CDH20: variants seen among roughly 807,000 people sequenced by gnomAD.
CDH20 encodes the protein cadherin 20.
A neutral mutation model predicts 74.2 loss-of-function variants in CDH20; 29 were observed. That is an observed-to-expected ratio of 0.39 (90% CI 0.29 to 0.53). The LOEUF is 0.53. CDH20 is among the 20% of genes least tolerant of loss of function. CDH20 has a pLI of 0.69. For synonymous variants in CDH20, 469 were observed against 405.4 expected (o/e 1.16, Z -1.88); for missense variants, 988 against 1,048.3 (o/e 0.94, Z 0.79).
chr18:61,555,158 C>T lies in CDH20; in HGVS notation c.*463C>T. 1.0e-6 allele frequency: 1 copy of T among 992,128 alleles called. No individual in the cohort carries two copies. The highest frequency in any genetic ancestry group is 1.2e-6 in the Non-Finnish European group (1 of 834,416). 61.5% of individuals were successfully genotyped at this position (992,128 alleles called of 1,614,324 possible). A position where few individuals can be genotyped will look rare whatever the true frequency, so the allele number is the denominator to read the frequency against. On this transcript the variant is annotated 3_prime_UTR_variant, in exon 12 of 12. Coordinates refer to ENST00000262717, the MANE Select transcript of CDH20 (RefSeq NM_031891.4). The stretch of plus-strand genomic sequence containing the variant: ...GCTGGCTCAAACCACAGAAACCAAC[C>T]CACAAGAAAGAACAAAAAACTTGTT...
At chr18:61,391,353 C>T (rs1050725624) in intron 1 of CDH20, among the ~76,000 whole-genome samples, 82 of 152,160 alleles carry the variant, frequency 5.4e-4, no homozygotes, top group East Asian at 1.9e-4. Context: ...AAGTCTTATG[C>T]ACTATTAGTG....
intron 1 of CDH20, among the ~76,000 whole-genome samples, chr18:61,338,121 G>A (rs2144083218): frequency 6.6e-6 from 1 of 152,188 alleles, no homozygotes; most frequent in East Asian, 1.9e-4. Context: ...AATCAAAAGG[G>A]ATTGCAAAAG....
In CDH20 at chr18:61,451,746, G is replaced by GA. The variant is rs34974190; in HGVS notation, c.-152-38645dup. Among the ~76,000 whole-genome samples the GA allele has an allele frequency of 1.7e-3, 244 of 147,858 alleles. 4 individuals are homozygous for GA. Among genetic ancestry groups the GA allele is most frequent in the East Asian group, 6.0e-4 (3 of 5,026 alleles). Reference sequence around the variant, plus strand: ...GCTGAATGTTGACTACAGAGTCAAAGAAAAAAAAAAATCAAGAGAAGCATT... The same window carrying GA: ...GCTGAATGTTGACTACAGAGTCAAAGAAAAAAAAAAAATCAAGAGAAGCATT... On this transcript the variant is annotated intron_variant, in intron 1 of 11. Transcript: ENST00000262717.
chr18:61,439,105 G>T (rs922857519), intron 1 of CDH20, among the ~76,000 whole-genome samples: 5 of 152,040 alleles, frequency 3.3e-5, no homozygotes, highest in Admixed American at 6.6e-5. Flanking sequence ...CTAAATGGGG[G>T]AATCAAGGGA....
At chr18:61,412,431 TA>T (rs1260963189) in intron 1 of CDH20, among the ~76,000 whole-genome samples, 1 of 152,134 alleles carries the variant, frequency 6.6e-6, no homozygotes, top group East Asian at 1.9e-4. Flanking sequence ...TCATCAAAAT[TA>T]AAGGGCCACA....
intron 1 of CDH20, among the ~76,000 whole-genome samples, chr18:61,370,884 C>A (rs1911014819): frequency 6.6e-6 from 1 of 151,998 alleles, no homozygotes; most frequent in Non-Finnish European, 1.5e-5. Flanking sequence ...ATTTTTAAGT[C>A]AAAAACCACA....
At chr18:61,553,382 G>A (rs1434106333) in intron 11 of CDH20, among the ~76,000 whole-genome samples, 2 of 152,042 alleles carry the variant, frequency 1.3e-5, no homozygotes, top group Non-Finnish European at 2.9e-5. Context: ...AAACCCCAGC[G>A]AACACATTCT....
chr18:61,527,479 G>A (rs571202726), intron 6 of CDH20, among the ~76,000 whole-genome samples: 2 of 152,184 alleles, frequency 1.3e-5, no homozygotes, highest in African/African-American at 2.4e-5. Context: ...TAATTGTTGT[G>A]AAGTCTTTTC....
intron 1 of CDH20, among the ~76,000 whole-genome samples, chr18:61,392,313 C>T (rs894228882): frequency 2.0e-5 from 3 of 152,152 alleles, no homozygotes; most frequent in Non-Finnish European, 4.4e-5. Flanking sequence ...GCACAGATGT[C>T]ATGTCCTCAG....
chr18:61,538,596 G>GTTTTT (rs533711893), intron 8 of CDH20, among the ~76,000 whole-genome samples: 5 of 24,514 alleles, frequency 2.0e-4, no homozygotes, highest in Non-Finnish European at 3.9e-4. Context: ...TTGTTTGTTT[G>GTTTTT]TTTTTGTTTT....
chr18:61,473,625 G>A (rs896348609), intron 1 of CDH20, among the ~76,000 whole-genome samples: 1 of 152,138 alleles, frequency 6.6e-6, no homozygotes, highest in Non-Finnish European at 1.5e-5. Context: ...ATTTTAACTG[G>A]TAATGCAGTT....
chr18:61,466,956 G>A (rs1312217542), intron 1 of CDH20, among the ~76,000 whole-genome samples: 4 of 152,132 alleles, frequency 2.6e-5, no homozygotes, highest in Non-Finnish European at 5.9e-5. Flanking sequence ...CATACTCCCA[G>A]CAAACAATGT....
At chr18:61,449,179 C>A (rs1267555524) in intron 1 of CDH20, among the ~76,000 whole-genome samples, 2 of 152,154 alleles carry the variant, frequency 1.3e-5, no homozygotes, top group African/African-American at 4.8e-5. Context: ...TTAATTCCAG[C>A]ACAGAACAAT....
intron 1 of CDH20, among the ~76,000 whole-genome samples, chr18:61,416,108 T>C (rs577380775): frequency 1.4e-4 from 22 of 152,152 alleles, no homozygotes; most frequent in African/African-American, 2.9e-4. Flanking sequence ...CAAAAGAGTT[T>C]AATGGGCCTC....
intron 1 of CDH20, among the ~76,000 whole-genome samples, chr18:61,428,373 G>C (rs542325716): frequency 6.6e-6 from 1 of 152,268 alleles, no homozygotes; most frequent in South Asian, 2.1e-4. Context: ...GCTCCATAAT[G>C]AATGTTTTTT....
chr18:61,364,126 T>G (rs1012432915), intron 1 of CDH20, among the ~76,000 whole-genome samples: 1 of 151,978 alleles, frequency 6.6e-6, no homozygotes, highest in Non-Finnish European at 1.5e-5. Flanking sequence ...CAACTGCTGG[T>G]GGGGGGGAAC....
chr18:61,483,538 G>C (rs1235253645), intron 1 of CDH20, among the ~76,000 whole-genome samples: 1 of 152,170 alleles, frequency 6.6e-6, no homozygotes, highest in Admixed American at 6.5e-5. Context: ...TGCTGTTATT[G>C]CTTCTGTTGC....
intron 1 of CDH20, among the ~76,000 whole-genome samples, chr18:61,343,934 A>T (rs1910035094): frequency 6.6e-6 from 1 of 152,112 alleles, no homozygotes. Flanking sequence ...GAGAGCAGTG[A>T]GTTCCCAGCA....
intron 1 of CDH20, among the ~76,000 whole-genome samples, chr18:61,339,180 CCTAA>C (rs1909853772): frequency 6.6e-6 from 1 of 151,772 alleles, no homozygotes. Flanking sequence ...TTAAGTTTTA[CCTAA>C]CTCTTAAATG....
Sources: allele counts gnomAD v4.1 joint callset (sites outside exome capture counted in the v4.1 genomes callset), GRCh38; gene constraint gnomAD v4.1.1; transcripts MANE v1.5; gene names NCBI Gene and HGNC (gene_info 2026-07-23, HGNC 2026-07-21).